ASTN2: variants seen among roughly 807,000 people sequenced by gnomAD.
ASTN2 encodes the protein astrotactin-2.
ASTN2 carries 54 observed loss-of-function variants against 139.8 expected under a neutral mutation model. That is an observed-to-expected ratio of 0.39 (90% CI 0.31 to 0.48). The LOEUF (loss-of-function observed/expected upper bound fraction) is 0.48. ASTN2 is among the 20% of genes least tolerant of loss of function. The pLI, the probability that ASTN2 is intolerant of heterozygous loss-of-function variation, is 0.95. For synonymous variants in ASTN2, 756 were observed against 719.5 expected (o/e 1.05, Z -0.81); for missense variants, 1,565 against 1,725.1 (o/e 0.91, Z 1.64).
intron 7 of ASTN2, among the ~76,000 whole-genome samples, chr9:116,978,886 T>G (rs1836432393): frequency 6.6e-6 from 1 of 152,170 alleles, no homozygotes; most frequent in African/African-American, 2.4e-5. Context: ...AACTACATAT[T>G]TTGGGAATCA....
intron 19 of ASTN2, among the ~76,000 whole-genome samples, chr9:116,597,305 T>A (rs74678574): frequency 2.0e-5 from 1 of 49,202 alleles, no homozygotes; most frequent in Non-Finnish European, 5.0e-5. Flanking sequence ...ATCTATTTTT[T>A]TTTTTTTTTT....
intron 20 of ASTN2, among the ~76,000 whole-genome samples, chr9:116,469,862 G>C (rs558411863): frequency 2.6e-5 from 4 of 152,202 alleles, no homozygotes; most frequent in Non-Finnish European, 4.4e-5. Context: ...AAGGAGGTGA[G>C]GTACATAATT....
At chr9:116,515,185 C>G (rs1408390038) in intron 19 of ASTN2, among the ~76,000 whole-genome samples, 8 of 152,278 alleles carry the variant, frequency 5.3e-5, no homozygotes, top group African/African-American at 1.9e-4. Flanking sequence ...GGTGAATTCT[C>G]ATTTGGATAT....
chr9:116,872,581 A>G (rs1833194563), intron 10 of ASTN2, among the ~76,000 whole-genome samples: 1 of 152,178 alleles, frequency 6.6e-6, no homozygotes, highest in Non-Finnish European at 1.5e-5. Flanking sequence ...AGGCAGGAGG[A>G]AAAACACTAA....
chr9:117,011,197 T>A (rs1837523201), intron 6 of ASTN2, among the ~76,000 whole-genome samples: 1 of 152,218 alleles, frequency 6.6e-6, no homozygotes, highest in Non-Finnish European at 1.5e-5. Flanking sequence ...GAAATATGGG[T>A]TTCCATGAAA....
At position 116,728,923 on chromosome 9, in the gene ASTN2, A is replaced by T. The variant is rs1348749256; in HGVS notation, c.2626+69T>A. 7 of 1,312,352 alleles carry T rather than the reference A, an allele frequency of 5.3e-6. No individual in the cohort carries two copies. In the East Asian group the frequency reaches 1.5e-4, roughly 28 times the overall value. 81.3% of individuals were successfully genotyped at this position (1,312,352 alleles called of 1,614,324 possible). On this transcript the variant is annotated intron_variant, in intron 15 of 22. Transcript: ENST00000313400. ...CCAGTGCTCTCATATGCCCTGGCAC[A>T]TGCTAGGTCCTTGGCAACAAGTGCT...
intron 17 of ASTN2, among the ~76,000 whole-genome samples, chr9:116,633,552 G>A (rs943028517): frequency 2.0e-5 from 3 of 152,202 alleles, no homozygotes; most frequent in Non-Finnish European, 2.9e-5. Flanking sequence ...GATGAGAGGC[G>A]GGTTGGAAAG....
intron 8 of ASTN2, 63 bp from the exon 9 acceptor site, chr9:116,976,251 T>G (rs1225019009): frequency 7.4e-7 from 1 of 1,359,578 alleles, no homozygotes; most frequent in South Asian, 1.2e-5. Flanking sequence ...AATTCACATG[T>G]GGACACTGCT....
chr9:117,014,797 G>A (rs879785669), intron 6 of ASTN2, among the ~76,000 whole-genome samples: 9 of 152,074 alleles, frequency 5.9e-5, no homozygotes, highest in Non-Finnish European at 1.2e-4. Flanking sequence ...ACACATAGAG[G>A]AATGACCATC....
intron 10 of ASTN2, among the ~76,000 whole-genome samples, chr9:116,877,755 C>T (rs1833341302): frequency 6.6e-6 from 1 of 152,026 alleles, no homozygotes; most frequent in African/African-American, 2.4e-5. Flanking sequence ...GCACAGTGAT[C>T]ATGGAGTCCA....
chr9:116,440,304 AG>A (rs993412382), intron 22 of ASTN2, among the ~76,000 whole-genome samples: 1 of 152,192 alleles, frequency 6.6e-6, no homozygotes, highest in Non-Finnish European at 1.5e-5. Flanking sequence ...GTTAGGATAC[AG>A]GCCTTCAAAG....
chr9:116,703,479 A>G (rs1204018852), intron 16 of ASTN2, among the ~76,000 whole-genome samples: 1 of 151,794 alleles, frequency 6.6e-6, no homozygotes, highest in African/African-American at 2.4e-5. Context: ...CGCAAGAACA[A>G]AAAACCAAAC....
intron 20 of ASTN2, among the ~76,000 whole-genome samples, chr9:116,468,006 G>A (rs1424030110): frequency 6.6e-6 from 1 of 152,152 alleles, no homozygotes; most frequent in Non-Finnish European, 1.5e-5. Flanking sequence ...CAAATTTCCA[G>A]GCTCTGGGAA....
At chr9:117,237,700 C>T (rs534376412) in intron 2 of ASTN2, among the ~76,000 whole-genome samples, 22 of 152,262 alleles carry the variant, frequency 1.4e-4, no homozygotes, top group Admixed American at 1.1e-3. Flanking sequence ...AGGATGGTCT[C>T]GATCTCCTGA....
intron 16 of ASTN2, among the ~76,000 whole-genome samples, chr9:116,717,682 G>A (rs1351769483): frequency 1.3e-5 from 2 of 152,132 alleles, no homozygotes; most frequent in East Asian, 3.9e-4. Flanking sequence ...GACTGCCCTG[G>A]GGTCAAGCAG....
chr9:117,414,555 C>T lies in ASTN2; in HGVS notation c.384G>A (p.Pro128=), dbSNP rs772618999. The change falls in exon 1 of 23, where the codon CCG becomes CCA. Residue 128 remains proline, a synonymous_variant. Transcript: ENST00000313400. This position sits in a 1 kb window ranked among gnomAD's most constrained non-coding sequence, Gnocchi z 4.2. ...RLLLFVRNEL[P]GRIAVQDDLD... ...GGTCGTCCTGCACCGCGATGCGCCC[C>T]GGCAGCTCGTTACGCACAAAGAGCA... 6.9e-6 allele frequency: 11 copies of T among 1,603,474 alleles called. No individual in the cohort carries two copies. In the South Asian group the frequency reaches 9.9e-5, roughly 14 times the overall value.
At chr9:116,517,845 TAGAG>T (rs1163305673) in intron 19 of ASTN2, among the ~76,000 whole-genome samples, 3 of 152,052 alleles carry the variant, frequency 2.0e-5, no homozygotes, top group Non-Finnish European at 2.9e-5. Context: ...AGGACACGCT[TAGAG>T]AGAGCAAAAT....
At chr9:117,243,216 G>A (rs981686217) in intron 2 of ASTN2, among the ~76,000 whole-genome samples, 1 of 152,124 alleles carries the variant, frequency 6.6e-6, no homozygotes, top group Non-Finnish European at 1.5e-5. Flanking sequence ...TCTAACTCTC[G>A]CTGTGGTTTT....
intron 20 of ASTN2, among the ~76,000 whole-genome samples, chr9:116,480,070 A>AAG (rs1208959930): frequency 1.3e-5 from 2 of 151,950 alleles, no homozygotes; most frequent in African/African-American, 2.4e-5. Flanking sequence ...AAGAAAGAAA[A>AAG]AGAGAGAGAG....
Sources: gnomAD v4.1 joint callset for allele counts (sites outside exome capture counted in the v4.1 genomes callset) on GRCh38, gnomAD v4.1.1 for gene constraint, Gnocchi (gnomAD v3.1) non-coding constraint, MANE v1.5 for transcripts, NCBI Gene and HGNC (gene_info 2026-07-23, HGNC 2026-07-21) for gene names.